The following MANEA variants were observed in gnomAD, a reference collection of about 807,000 sequenced individuals.
The protein encoded by MANEA is mannosidase endo-alpha, also known as glycoprotein endo-alpha-1,2-mannosidase.
Under a neutral mutation model 36.8 loss-of-function variants are expected in MANEA, and 25 were observed. The observed-to-expected ratio is 0.68, with a 90% CI of 0.50 to 0.95. The LOEUF is 0.95. MANEA is among the 40% of genes least tolerant of loss of function. The pLI is 0.00. For missense variants in MANEA, 565 were observed against 558.8 expected, an observed-to-expected ratio of 1.01 and a Z score of -0.11; for synonymous variants, 198 against 188.5, an observed-to-expected ratio of 1.05 and a Z score of -0.41.
In MANEA at chr6:95,606,804, A is replaced by G. The variant is rs1769723858; in HGVS notation, c.*399A>G. ...TGTATATTTGGGATATCTATTGAAG[A>G]AAAAAAGAAAACCCCTTAAAGATAA... On this transcript the variant is annotated 3_prime_UTR_variant, in exon 5 of 5. Coordinates refer to ENST00000358812, the MANE Select transcript of MANEA (RefSeq NM_024641.4). 6.6e-6 allele frequency: 1 copy of G among 152,580 alleles called. No individual in the cohort carries two copies. Among genetic ancestry groups the G allele is most frequent in the African/African-American group, 2.4e-5 (1 of 41,440 alleles). The allele number at this position is 152,580 out of a possible 1,614,324, so 9.5% of individuals were successfully genotyped here.
chr6:95,604,719 CTT>C (rs1336871366), intron 3 of MANEA, 106 bp from the exon 4 acceptor site: 2 of 481,476 alleles, frequency 4.2e-6, no homozygotes, highest in Non-Finnish European at 7.3e-6. Context: ...AAATATTCAT[CTT>C]TAATTAAGGT....
At chr6:95,602,977 G>A (rs964915708) in intron 3 of MANEA, among the ~76,000 whole-genome samples, 2 of 134,496 alleles carry the variant, frequency 1.5e-5, no homozygotes, top group Non-Finnish European at 3.0e-5. Context: ...CCGAGATTGC[G>A]CCACTGCAGT....
intron 3 of MANEA, among the ~76,000 whole-genome samples, chr6:95,597,299 C>A (rs1769499322): frequency 6.6e-6 from 1 of 151,920 alleles, no homozygotes; most frequent in African/African-American, 2.4e-5. Flanking sequence ...TAGAATACAG[C>A]AGAAAGATCA....
intron 2 of MANEA, among the ~76,000 whole-genome samples, chr6:95,593,937 G>C (rs1377444152): frequency 6.6e-6 from 1 of 151,892 alleles, no homozygotes; most frequent in Non-Finnish European, 1.5e-5. Flanking sequence ...TCCCAGAGGA[G>C]GGATTCTATC....
At chr6:95,605,120 T>C (rs1181077949) in intron 4 of MANEA, among the ~76,000 whole-genome samples, 4 of 152,088 alleles carry the variant, frequency 2.6e-5, no homozygotes, top group African/African-American at 9.6e-5. Flanking sequence ...TTGCTGTTTT[T>C]ACTGTTTTAC....
rs547698066 is a variant in MANEA at position 95,608,519 on chromosome 6, C to T, written c.*2114C>T. On this transcript the variant is annotated 3_prime_UTR_variant, in exon 5 of 5. Coordinates refer to ENST00000358812, the MANE Select transcript of MANEA (RefSeq NM_024641.4). ...TTGTTGTGATTCCTCAACACATTAC[C>T]CTAACCAGCCAGCAGTAACAGATTT... is the stretch of plus-strand genomic sequence containing the variant. 1 of 151,790 alleles carries T rather than the reference C, an allele frequency of 6.6e-6. No homozygotes were observed. The highest frequency in any genetic ancestry group is 1.5e-5 in the Non-Finnish European group (1 of 67,766). 9.4% of individuals were successfully genotyped at this position (151,790 alleles called of 1,614,324 possible). A position where few individuals can be genotyped will look rare whatever the true frequency, so the allele number is the denominator to read the frequency against.
chr6:95,599,170 T>C (rs1769541034), intron 3 of MANEA, among the ~76,000 whole-genome samples: 1 of 152,102 alleles, frequency 6.6e-6, no homozygotes, highest in Admixed American at 6.6e-5. Flanking sequence ...ATACTGAAAA[T>C]TTTAGGAAAT....
intron 1 of MANEA, among the ~76,000 whole-genome samples, chr6:95,584,839 C>T (rs1769249546): frequency 6.6e-6 from 1 of 152,294 alleles, no homozygotes; most frequent in South Asian, 2.1e-4. Context: ...TCTTATTTCT[C>T]AGACTGGTTG....
intron 2 of MANEA, among the ~76,000 whole-genome samples, chr6:95,587,750 T>C (rs1475606218): frequency 6.6e-6 from 1 of 152,154 alleles, no homozygotes; most frequent in Non-Finnish European, 1.5e-5. Context: ...CTTAAAGTTA[T>C]TCTGTCAGTC....
rs774544685 is a variant in MANEA, at chr6:95,606,443, A to G, written c.*38A>G. ...AGTTTAATAGTTATCAAAATCACCT[A>G]ATTTTTAAAAATAGCTTTCGTTTTG... On this transcript the variant is annotated 3_prime_UTR_variant, in exon 5 of 5. Transcript: ENST00000358812. 4.5e-5 allele frequency: 66 copies of G among 1,453,008 alleles called. No homozygotes were observed. Among genetic ancestry groups the G allele is most frequent in the Non-Finnish European group, 5.6e-5 (61 of 1,086,306 alleles). The allele number at this position is 1,453,008 out of a possible 1,614,324, so 90.0% of individuals were successfully genotyped here.
At chr6:95,580,917 T>C (rs1769167495) in intron 1 of MANEA, among the ~76,000 whole-genome samples, 1 of 152,208 alleles carries the variant, frequency 6.6e-6, no homozygotes, top group East Asian at 1.9e-4. Flanking sequence ...GAATAAAATG[T>C]GTTATATTTT....
rs150519999 is a variant in MANEA, at chr6:95,590,776, T to TA, written c.544+3794dup. The stretch of plus-strand genomic sequence containing the variant: ...GGAGACAGTCTACTTGCAAATAATA[T>TA]ATACTTAATGTGTAATGTAAGGTCT... On this transcript the variant is annotated intron_variant, in intron 2 of 4. Coordinates refer to ENST00000358812, the MANE Select transcript of MANEA (RefSeq NM_024641.4). 1.2e-4 allele frequency among the ~76,000 whole-genome samples: 18 copies of TA among 152,318 alleles called. No individual in the cohort carries two copies. The East Asian group carries it at 3.5e-3, about 29-fold the overall frequency.
intron 3 of MANEA, among the ~76,000 whole-genome samples, chr6:95,598,751 C>T (rs1178124059): frequency 6.6e-6 from 1 of 152,014 alleles, no homozygotes; most frequent in Admixed American, 6.6e-5. Flanking sequence ...CAAATTTATT[C>T]CACAATAGCA....
chr6:95,604,062 GT>G (rs1769657639), intron 3 of MANEA, among the ~76,000 whole-genome samples: 6 of 7,122 alleles, frequency 8.4e-4, no homozygotes, highest in South Asian at 3.6e-3. Flanking sequence ...ATGTATGTAG[GT>G]GTGTGTGTGT....
chr6:95,603,122 T>C (rs1231822421), intron 3 of MANEA, among the ~76,000 whole-genome samples: 2 of 151,854 alleles, frequency 1.3e-5, no homozygotes, highest in Admixed American at 6.6e-5. Context: ...ATTTTATACT[T>C]ATCAATACTA....
In MANEA at chr6:95,583,121, G is replaced by C. The variant is rs1769213230; in HGVS notation, c.-38-3281G>C. Among the ~76,000 whole-genome samples, 3 of 152,180 alleles carry C rather than the reference G, an allele frequency of 2.0e-5. No individual in the cohort carries two copies. In the South Asian group the frequency reaches 6.2e-4, roughly 32 times the overall value. Reference sequence around the variant, plus strand: ...GGAACATTTTGTCAGTATGTATATAGTTATTAAAACAAAATCTCCAGACCT... The same window carrying C: ...GGAACATTTTGTCAGTATGTATATACTTATTAAAACAAAATCTCCAGACCT... On this transcript the variant is annotated intron_variant, in intron 1 of 4. Coordinates refer to ENST00000358812, the MANE Select transcript of MANEA (RefSeq NM_024641.4).
chr6:95,597,247 A>C (rs1035122937), intron 3 of MANEA, among the ~76,000 whole-genome samples: 6 of 152,044 alleles, frequency 3.9e-5, no homozygotes, highest in African/African-American at 1.4e-4. Flanking sequence ...TTTTCATTTA[A>C]ACCTTATTTA....
chr6:95,587,038 T>A (rs780224280), intron 2 of MANEA, 55 bp downstream of exon 2: 97 of 1,012,186 alleles, frequency 9.6e-5, no homozygotes, highest in Non-Finnish European at 1.4e-4. Context: ...TGCATATAAA[T>A]GATTTTTTGT....
At chr6:95,591,331 G>A (rs1346372840) in intron 2 of MANEA, among the ~76,000 whole-genome samples, 1 of 151,884 alleles carries the variant, frequency 6.6e-6, no homozygotes, top group African/African-American at 2.4e-5. Flanking sequence ...ATCACCTATG[G>A]AATTCTCAAT....
Sources: allele counts gnomAD v4.1 joint callset (sites outside exome capture counted in the v4.1 genomes callset), GRCh38; gene constraint gnomAD v4.1.1; transcripts MANE v1.5; gene names NCBI Gene and HGNC (gene_info 2026-07-23, HGNC 2026-07-21).